Variants in PGAP1 observed in about 807,000 individuals in gnomAD.
The protein encoded by PGAP1 is post-GPI attachment to proteins inositol deacylase 1.
A neutral mutation model predicts 127.0 loss-of-function variants in PGAP1; 76 were observed. The ratio of observed to expected loss-of-function variants is 0.60; its 90% CI spans 0.50 to 0.72. The LOEUF (loss-of-function observed/expected upper bound fraction) is 0.72, where lower values mean the gene tolerates loss of function less well. Among genes scored for constraint, PGAP1 ranks in the 30% least tolerant of loss-of-function variants. The pLI is 0.00. For synonymous variants in PGAP1, 362 were observed against 366.5 expected (o/e 0.99, Z 0.14); for missense variants, 982 against 1,071.3 (o/e 0.92, Z 1.16).
chr2:196,892,819 A>C (rs926580739), intron 8 of PGAP1, among the ~76,000 whole-genome samples: 2 of 152,118 alleles, frequency 1.3e-5, no homozygotes, highest in Non-Finnish European at 2.9e-5. Context: ...TGAGGAACTA[A>C]AAGGAGTCAA....
intron 20 of PGAP1, among the ~76,000 whole-genome samples, chr2:196,862,030 A>G (rs1701084947): frequency 6.6e-6 from 1 of 151,974 alleles, no homozygotes; most frequent in Non-Finnish European, 1.5e-5. Context: ...CCTTGAAAAA[A>G]GAACAGGATA....
chr2:196,923,056 T>C (rs975523387), intron 1 of PGAP1, among the ~76,000 whole-genome samples: 9 of 152,078 alleles, frequency 5.9e-5, no homozygotes, highest in African/African-American at 1.9e-4. Context: ...GTTTTTGAAT[T>C]CAAGATTCAA....
chr2:196,837,194 C>A lies in PGAP1; in HGVS notation c.*4040G>T, dbSNP rs2125770829. On this transcript the variant is annotated 3_prime_UTR_variant, in exon 27 of 27. Transcript: ENST00000354764. Reference sequence around the variant, plus strand: ...TAGTTTAATTCATAGTTTTGTGTTTCCTCCATTTCCCAGAGCTTTCAAGAA... The same window carrying A: ...TAGTTTAATTCATAGTTTTGTGTTTACTCCATTTCCCAGAGCTTTCAAGAA... 1 of 152,262 alleles carries A rather than the reference C, an allele frequency of 6.6e-6. No homozygotes were observed. The highest frequency in any genetic ancestry group is 1.5e-5 in the Non-Finnish European group (1 of 68,020). 9.4% of individuals were successfully genotyped at this position (152,262 alleles called of 1,614,324 possible).
At chr2:196,869,022 A>C (rs1576125434) in intron 19 of PGAP1, among the ~76,000 whole-genome samples, 1 of 152,176 alleles carries the variant, frequency 6.6e-6, no homozygotes, top group African/African-American at 2.4e-5. Flanking sequence ...AGCTTCAATA[A>C]TATAAATTCT....
intron 14 of PGAP1, 80 bp downstream of exon 14, chr2:196,875,666 G>C (rs964539664): frequency 2.3e-5 from 17 of 742,204 alleles, no homozygotes; most frequent in Middle Eastern, 2.4e-4. Context: ...TTCAACATTT[G>C]ATATTACAAA....
chr2:196,898,260 G>T, intron 6 of PGAP1, 57 bp downstream of exon 6: 2 of 1,150,088 alleles, frequency 1.7e-6, no homozygotes, highest in Non-Finnish European at 2.5e-6. Flanking sequence ...TTACTGCATT[G>T]AGGAGAAAGA....
At chr2:196,921,714 C>T (rs569931905) in intron 1 of PGAP1, among the ~76,000 whole-genome samples, 27 of 152,004 alleles carry the variant, frequency 1.8e-4, no homozygotes, top group African/African-American at 6.3e-4. Flanking sequence ...TCATAAAATA[C>T]TATTATGAAA....
rs1375127406 is a variant in PGAP1, at chr2:196,841,139, A to C, written c.*95T>G. ...TGTAAAAATAGACTTGTCTTCTCCAAAGGATCTTGCTGTCCATACTGATGG... is the reference window on the plus strand; with the variant it reads ...TGTAAAAATAGACTTGTCTTCTCCACAGGATCTTGCTGTCCATACTGATGG... On this transcript the variant is annotated 3_prime_UTR_variant, in exon 27 of 27. Transcript: ENST00000354764. 8.2e-7 allele frequency: 1 copy of C among 1,224,920 alleles called. No homozygotes were observed. The highest frequency in any genetic ancestry group is 1.5e-5 in the African/African-American group (1 of 64,838). 75.9% of individuals were successfully genotyped at this position (1,224,920 alleles called of 1,614,324 possible).
chr2:196,888,763 A>G (rs929372661), intron 10 of PGAP1, among the ~76,000 whole-genome samples: 2 of 152,204 alleles, frequency 1.3e-5, no homozygotes, highest in African/African-American at 4.8e-5. Context: ...AGTGAATATC[A>G]GATGATACTA....
intron 3 of PGAP1, among the ~76,000 whole-genome samples, chr2:196,913,991 A>G: frequency 6.6e-6 from 1 of 152,206 alleles, no homozygotes; most frequent in East Asian, 1.9e-4. Context: ...TGAGTCTCTA[A>G]TGAGCTTCCC....
At chr2:196,882,661 T>G (rs568755642) in intron 12 of PGAP1, among the ~76,000 whole-genome samples, 31 of 152,304 alleles carry the variant, frequency 2.0e-4, no homozygotes, top group African/African-American at 7.2e-4. Context: ...TGACTGTTGT[T>G]GGTGTCAATA....
At chr2:196,866,838 A>T (rs1016011332) in intron 19 of PGAP1, among the ~76,000 whole-genome samples, 1 of 152,244 alleles carries the variant, frequency 6.6e-6, no homozygotes, top group Non-Finnish European at 1.5e-5. Flanking sequence ...TCAAAAGAAG[A>T]CATTTATGTG....
intron 4 of PGAP1, among the ~76,000 whole-genome samples, chr2:196,909,894 CA>C (rs1702779782): frequency 1.7e-4 from 1 of 5,872 alleles, no homozygotes; most frequent in Non-Finnish European, 2.6e-4. Flanking sequence ...ATCCAAATTA[CA>C]AGGGATGTGA....
At chr2:196,885,549 A>T in intron 11 of PGAP1, 74 bp from the exon 12 acceptor site, 1 of 1,144,870 alleles carries the variant, frequency 8.7e-7, no homozygotes, top group Non-Finnish European at 1.3e-6. Flanking sequence ...TAAGATTCAG[A>T]GGAAAAAGAA....
At chr2:196,893,017 T>C (rs1702153352) in intron 8 of PGAP1, 123 bp downstream of exon 8, 1 of 489,854 alleles carries the variant, frequency 2.0e-6, no homozygotes. Context: ...TATGTATATA[T>C]ATAATAGGAT....
rs1236823261 is a variant in PGAP1 at position 196,837,471 on chromosome 2, A to G, written c.*3763T>C. 3 of 152,160 alleles carry G rather than the reference A, an allele frequency of 2.0e-5. No individual in the cohort carries two copies. Among genetic ancestry groups the G allele is most frequent in the Non-Finnish European group, 4.4e-5 (3 of 68,054 alleles). The allele number at this position is 152,160 out of a possible 1,614,324, so 9.4% of individuals were successfully genotyped here. A position where few individuals can be genotyped will look rare whatever the true frequency, so the allele number is the denominator to read the frequency against. The stretch of plus-strand genomic sequence containing the variant: ...ACTGAAACCTCGTCTCTACAAAAAA[A>G]TTAAAAAGTCAGGCACAGTGGCATG... On this transcript the variant is annotated 3_prime_UTR_variant, in exon 27 of 27. Transcript: ENST00000354764.
chr2:196,846,150 A>AT (rs1700550496), intron 22 of PGAP1, 133 bp from the exon 23 acceptor site: 1 of 472,852 alleles, frequency 2.1e-6, no homozygotes, highest in African/African-American at 2.0e-5. Context: ...ACAACAAGGT[A>AT]TTTTTTAAAT....
chr2:196,869,630 G>A (rs1038099823), intron 19 of PGAP1, among the ~76,000 whole-genome samples: 3 of 152,174 alleles, frequency 2.0e-5, no homozygotes, highest in East Asian at 1.9e-4. Flanking sequence ...CACCGCACCC[G>A]GCCCAACATT....
chr2:196,877,315 T>C (rs1358586773), intron 13 of PGAP1, among the ~76,000 whole-genome samples: 5 of 152,168 alleles, frequency 3.3e-5, no homozygotes, highest in Non-Finnish European at 7.4e-5. Context: ...ACTATTTGAA[T>C]ATATGTCATG....
Sources: allele counts gnomAD v4.1 joint callset (sites outside exome capture counted in the v4.1 genomes callset), GRCh38; gene constraint gnomAD v4.1.1; transcripts MANE v1.5; gene names NCBI Gene and HGNC (gene_info 2026-07-23, HGNC 2026-07-21).